The following MOB3B variants were observed in gnomAD, a reference collection of about 807,000 sequenced individuals.
MOB3B encodes the protein MOB kinase activator-like 2B.
A neutral mutation model predicts 18.7 loss-of-function variants in MOB3B; 7 were observed. The ratio of observed to expected loss-of-function variants is 0.37; its 90% confidence interval spans 0.21 to 0.70. MOB3B has a LOEUF of 0.70. MOB3B is among the 30% of genes least tolerant of loss of function. MOB3B has a pLI of 0.52. For synonymous variants in MOB3B, 111 were observed against 99.9 expected (o/e 1.11, Z -0.66); for missense variants, 253 against 281.3 (o/e 0.90, Z 0.72).
intron 3 of MOB3B, among the ~76,000 whole-genome samples, chr9:27,333,111 GT>G (rs755174828): frequency 5.9e-5 from 9 of 151,538 alleles, no homozygotes; most frequent in African/African-American, 1.7e-4. Flanking sequence ...ATATGGCAGA[GT>G]TTTTTTTTAA....
Position 27,529,611 on chromosome 9 carries a change from C to T in MOB3B, c.-255G>A. On this transcript the variant is annotated 5_prime_UTR_variant, in exon 1 of 4. Coordinates refer to ENST00000262244, the MANE Select transcript of MOB3B (RefSeq NM_024761.5). ...TCGGCTCCCTTCGCCGGGTCAGCTG[C>T]AGCCAGCGCGAAAGAAAATGGTGAG... is the stretch of plus-strand genomic sequence containing the variant. 1.0e-6 allele frequency: 1 copy of T among 985,762 alleles called. No individual in the cohort carries two copies. The highest frequency in any genetic ancestry group is 1.2e-6 in the Non-Finnish European group (1 of 830,214). The allele number at this position is 985,762 out of a possible 1,614,324, so 61.1% of individuals were successfully genotyped here.
At chr9:27,343,338 G>C (rs865940718) in intron 3 of MOB3B, among the ~76,000 whole-genome samples, 1 of 151,276 alleles carries the variant, frequency 6.6e-6, no homozygotes, top group Non-Finnish European at 1.5e-5. Context: ...CAAACACTGC[G>C]GAAGGCCGCG....
chr9:27,345,538 T>C (rs68037365), intron 3 of MOB3B, among the ~76,000 whole-genome samples: 17,745 of 152,182 alleles, frequency 0.12, 2,704 homozygotes, highest in African/African-American at 0.35. Context: ...GCCCTGAAAC[T>C]ATTAGTTGAG....
intron 1 of MOB3B, among the ~76,000 whole-genome samples, chr9:27,509,060 T>A (rs1192235994): frequency 1.3e-5 from 2 of 152,208 alleles, no homozygotes; most frequent in South Asian, 2.1e-4. Context: ...ATGCCACAGA[T>A]CTGCCACTCT....
At chr9:27,452,551 T>C (rs368093700) in intron 2 of MOB3B, among the ~76,000 whole-genome samples, 3 of 152,118 alleles carry the variant, frequency 2.0e-5, no homozygotes, top group East Asian at 3.9e-4. Context: ...AATAACTCAA[T>C]TGAAAGAAAA....
chr9:27,502,614 G>A (rs941497580), intron 1 of MOB3B, among the ~76,000 whole-genome samples: 2 of 152,280 alleles, frequency 1.3e-5, no homozygotes. Context: ...CCAGGAACAC[G>A]GCCAGGGCAG....
intron 1 of MOB3B, among the ~76,000 whole-genome samples, chr9:27,481,038 A>G (rs1388638985): frequency 6.6e-6 from 1 of 152,194 alleles, no homozygotes; most frequent in Non-Finnish European, 1.5e-5. Context: ...AAGGAAGGTA[A>G]AACTATTGAT....
At chr9:27,408,727 G>A (rs190643733) in intron 2 of MOB3B, among the ~76,000 whole-genome samples, 4 of 152,158 alleles carry the variant, frequency 2.6e-5, no homozygotes, top group East Asian at 3.9e-4. Flanking sequence ...CTCCTCTCCC[G>A]CCTCTGGCCC....
At chr9:27,469,454 A>C (rs1296968105) in intron 1 of MOB3B, among the ~76,000 whole-genome samples, 2 of 152,082 alleles carry the variant, frequency 1.3e-5, no homozygotes, top group African/African-American at 4.8e-5. Context: ...ATCCCACACA[A>C]CACCACGACA....
intron 1 of MOB3B, among the ~76,000 whole-genome samples, chr9:27,483,662 C>T (rs1227353233): frequency 6.6e-6 from 1 of 152,120 alleles, no homozygotes; most frequent in Non-Finnish European, 1.5e-5. Flanking sequence ...TGCTTTTCAT[C>T]GCTTGCTGCA....
At chr9:27,463,504 G>A (rs547063107) in intron 1 of MOB3B, among the ~76,000 whole-genome samples, 4 of 152,248 alleles carry the variant, frequency 2.6e-5, no homozygotes, top group African/African-American at 9.6e-5. Flanking sequence ...GAGAAACAGA[G>A]ACCTAGCCCT....
intron 2 of MOB3B, among the ~76,000 whole-genome samples, chr9:27,413,578 A>G (rs1005348713): frequency 6.6e-6 from 1 of 152,158 alleles, no homozygotes; most frequent in South Asian, 2.1e-4. Flanking sequence ...TTTTGAAGGG[A>G]CTGGATTGGA....
At chr9:27,365,364 C>CTT (rs55691019) in intron 2 of MOB3B, among the ~76,000 whole-genome samples, 10,764 of 116,392 alleles carry the variant, frequency 0.092, 631 homozygotes, top group African/African-American at 0.1. Flanking sequence ...TCCTTCTTCT[C>CTT]TTTTTTTTTT....
At chr9:27,483,640 C>T (rs556574331) in intron 1 of MOB3B, among the ~76,000 whole-genome samples, 2 of 152,178 alleles carry the variant, frequency 1.3e-5, no homozygotes, top group South Asian at 4.2e-4. Flanking sequence ...TTCAAAGGCC[C>T]AATTATAAAG....
At chr9:27,397,554 C>T (rs1563858606) in intron 2 of MOB3B, 1 of 152,110 alleles carries the variant, frequency 6.6e-6, no homozygotes, top group Admixed American at 6.5e-5. Context: ...CTAATGAGTG[C>T]AAATCTGTGA....
At chr9:27,335,657 C>T (rs73643185) in intron 3 of MOB3B, among the ~76,000 whole-genome samples, 4,513 of 152,264 alleles carry the variant, frequency 0.03, 204 homozygotes, top group African/African-American at 0.1. Context: ...GAACACACAA[C>T]GATTTCCATA....
At chr9:27,366,832 G>C (rs12551452) in intron 2 of MOB3B, among the ~76,000 whole-genome samples, 73,493 of 151,974 alleles carry the variant, frequency 0.48, 17,877 homozygotes, top group African/African-American at 0.53. Context: ...TGGCAGATAG[G>C]CCCCTTTATT....
At chr9:27,395,237 G>T (rs1163616787) in intron 2 of MOB3B, among the ~76,000 whole-genome samples, 2 of 152,158 alleles carry the variant, frequency 1.3e-5, no homozygotes, top group Non-Finnish European at 2.9e-5. Context: ...GTTATATACT[G>T]TGTTGCATAT....
intron 3 of MOB3B, among the ~76,000 whole-genome samples, chr9:27,338,008 C>T (rs7020469): frequency 0.061 from 9,292 of 152,204 alleles, 345 homozygotes; most frequent in African/African-American, 0.11. Context: ...CCAGAAGCAC[C>T]ACTCTCTAAT....
Sources: gnomAD v4.1 joint callset for allele counts (sites outside exome capture counted in the v4.1 genomes callset) on GRCh38, gnomAD v4.1.1 for gene constraint, MANE v1.5 for transcripts, NCBI Gene and HGNC (gene_info 2026-07-23, HGNC 2026-07-21) for gene names.